HECTD4: variants seen among roughly 807,000 people sequenced by gnomAD.
HECTD4 encodes HECT domain E3 ubiquitin protein ligase 4.
In HECTD4, 114 loss-of-function variants were observed where a neutral mutation model predicts 471.5. The observed-to-expected ratio is 0.24, with a 90% CI of 0.21 to 0.28. The LOEUF (loss-of-function observed/expected upper bound fraction) is 0.28, where lower values mean the gene tolerates loss of function less well. HECTD4 is among the 10% of genes least tolerant of loss of function. HECTD4 has a pLI of 1.00. For synonymous variants in HECTD4, 2,012 were observed against 2,256.0 expected (o/e 0.89, Z 3.07); for missense variants, 3,866 against 5,651.5 (o/e 0.68, Z 10.13).
intron 55 of HECTD4, among the ~76,000 whole-genome samples, chr12:112,195,790 C>G (rs1221814173): frequency 1.3e-5 from 2 of 152,024 alleles, no homozygotes; most frequent in African/African-American, 4.8e-5. Flanking sequence ...ATAAAAATAC[C>G]ATCGTGGGCA....
intron 64 of HECTD4, among the ~76,000 whole-genome samples, chr12:112,177,656 A>G (rs1227928511): frequency 6.6e-6 from 1 of 152,264 alleles, no homozygotes; most frequent in Non-Finnish European, 1.5e-5. Context: ...CTGGGATTAT[A>G]GGCGTGAGCC....
In HECTD4 at chr12:112,185,451, T is replaced by G; in HGVS notation, c.9515A>C (p.Glu3172Ala). The change falls in exon 61 of 76, where the codon GAG (glutamate) becomes GCG (alanine). Residue 3172 changes from glutamate to alanine, a missense_variant. Physicochemically the swap from Glu to Ala is moderately radical, Grantham distance 107 (BLOSUM62 -1). This residue lies in a region of HECTD4 where 364 missense variants were observed against 413.2 expected (regional missense o/e 0.88). Coordinates refer to ENST00000682272, the MANE Select transcript of HECTD4 (RefSeq NM_001388303.1). The stretch of plus-strand genomic sequence containing the variant: ...CTCTGCCAGGAGATGGAAAACAAGC[T>G]CCTTCACGCAGGCTGCCATGTCCGT... The part of the protein sequence containing the change: ...WTTDMAACVK[E>A]LVFHLLAELL... The G allele has an allele frequency of 6.4e-7, 1 of 1,571,808 alleles. No homozygotes were observed. The highest frequency in any genetic ancestry group is 1.4e-5 in the African/African-American group (1 of 73,598).
chr12:112,370,545 G>A (rs2036646371), intron 1 of HECTD4, among the ~76,000 whole-genome samples: 1 of 152,024 alleles, frequency 6.6e-6, no homozygotes, highest in Non-Finnish European at 1.5e-5. Context: ...AAGAAAGCAA[G>A]TTACAGAAAG....
Position 112,269,795 on chromosome 12 carries a change from G to A in HECTD4, c.2230C>T (p.Arg744Ter), listed in dbSNP as rs2034375788. 1.9e-6 allele frequency: 3 copies of A among 1,613,818 alleles called. No individual in the cohort carries two copies. The highest frequency in any genetic ancestry group is 2.5e-6 in the Non-Finnish European group (3 of 1,179,780). Residue 744 changes from arginine to a stop codon, truncating the protein, a stop_gained, in exon 13 of 76, where the codon CGA becomes TGA. Transcript: ENST00000682272. LOFTEE classifies it high-confidence loss of function. ...TGCCAAAGAAGCAATCCCGACCGTC[G>A]AATGATGTCTCGATTCCTTTCAGTT... The part of the protein sequence containing the change: ...PQTERNRDII[R>*]RSGLLLWQLL...
intron 1 of HECTD4, among the ~76,000 whole-genome samples, chr12:112,376,574 T>G (rs912334069): frequency 1.3e-5 from 2 of 152,164 alleles, no homozygotes; most frequent in African/African-American, 4.8e-5. Flanking sequence ...TCACTCATAG[T>G]AAGATCCAAA....
intron 7 of HECTD4, chr12:112,302,190 C>T: frequency 8.0e-7 from 1 of 1,250,118 alleles, no homozygotes; most frequent in African/African-American, 1.5e-5. Context: ...ATGGAATCCA[C>T]ATCGTGTGCA....
chr12:112,265,613 C>T (rs2034251012), intron 15 of HECTD4, among the ~76,000 whole-genome samples: 2 of 152,192 alleles, frequency 1.3e-5, no homozygotes, highest in Admixed American at 6.5e-5. Context: ...GAACCAAGAT[C>T]TCCTAAGTAA....
At chr12:112,357,482 T>C (rs533013471) in intron 1 of HECTD4, among the ~76,000 whole-genome samples, 1 of 152,172 alleles carries the variant, frequency 6.6e-6, no homozygotes, top group East Asian at 1.9e-4. Context: ...TGAGCTGTGA[T>C]GATAAGGAGG....
chr12:112,162,678 C>A lies in HECTD4; in HGVS notation c.13121-155G>T, dbSNP rs1419297277. 2 of 825,726 alleles carry A rather than the reference C, an allele frequency of 2.4e-6. No individual in the cohort carries two copies. The highest frequency in any genetic ancestry group is 2.7e-5 in the East Asian group (1 of 37,280). The allele number at this position is 825,726 out of a possible 1,614,324, so 51.1% of individuals were successfully genotyped here. On this transcript the variant is annotated intron_variant, in intron 75 of 75. Coordinates refer to ENST00000682272, the MANE Select transcript of HECTD4 (RefSeq NM_001388303.1). This position sits in a 1 kb window ranked among gnomAD's most constrained non-coding sequence, Gnocchi z 5.2. ...AGGGGGATGAGGGCCTGGGAACCTG[C>A]GAGATGTTCTTGGAGGGAAAAGGGG...
intron 1 of HECTD4, among the ~76,000 whole-genome samples, chr12:112,343,079 A>C: frequency 6.6e-6 from 1 of 152,216 alleles, no homozygotes; most frequent in African/African-American, 2.4e-5. Flanking sequence ...AATTTCACAA[A>C]AACTCCTAAA....
intron 54 of HECTD4, 54 bp from the exon 55 acceptor site, chr12:112,200,852 TGTGCGTGC>T: frequency 6.5e-7 from 1 of 1,545,964 alleles, no homozygotes; most frequent in Non-Finnish European, 8.8e-7. Context: ...GTTTTCCATG[TGTGCGTGC>T]GTGCGTGTGT....
chr12:112,329,530 G>T (rs952844521), intron 1 of HECTD4, among the ~76,000 whole-genome samples: 6 of 152,018 alleles, frequency 3.9e-5, no homozygotes, highest in African/African-American at 1.4e-4. Flanking sequence ...ACAACATTGG[G>T]TTAATTTCTG....
intron 60 of HECTD4, among the ~76,000 whole-genome samples, chr12:112,186,139 A>AT (rs1566065082): frequency 6.6e-6 from 1 of 151,418 alleles, no homozygotes; most frequent in African/African-American, 2.4e-5. Flanking sequence ...TGCCCAGCTA[A>AT]TTTTTGTATT....
intron 55 of HECTD4, among the ~76,000 whole-genome samples, chr12:112,195,714 C>T (rs2032220873): frequency 6.6e-6 from 1 of 152,116 alleles, no homozygotes; most frequent in South Asian, 2.1e-4. Context: ...TAATAAAAAC[C>T]ACTGACTTGT....
intron 71 of HECTD4, 40 bp downstream of exon 71, chr12:112,167,774 G>T: frequency 6.5e-7 from 1 of 1,548,096 alleles, no homozygotes; most frequent in South Asian, 1.1e-5. Context: ...CGCAGGACAT[G>T]AGCTCGGGGG....
At chr12:112,367,526 A>G (rs1349196282) in intron 1 of HECTD4, among the ~76,000 whole-genome samples, 1 of 151,992 alleles carries the variant, frequency 6.6e-6, no homozygotes, top group African/African-American at 2.4e-5. Context: ...ACTCAACTGA[A>G]AAAATGCTTC....
chr12:112,367,736 G>A lies in HECTD4; in HGVS notation c.177+14216C>T, dbSNP rs567545020. 1.0e-4 allele frequency among the ~76,000 whole-genome samples: 15 copies of A among 143,668 alleles called. No individual in the cohort carries two copies. The South Asian group carries it at 3.1e-3, about 30-fold the overall frequency. 94.3% of individuals were successfully genotyped at this position (143,668 alleles called of 152,430 possible). A position where few individuals can be genotyped will look rare whatever the true frequency, so the allele number is the denominator to read the frequency against. On this transcript the variant is annotated intron_variant, in intron 1 of 75. Transcript: ENST00000682272. ...CTTGGGAGGCTGAGGCAGGAGAATC[G>A]CTTGAACCCGGGAGGCAGAGGTTGC...
rs755972541 is a variant in HECTD4 at position 112,184,994 on chromosome 12, C to T, written c.9972G>A (p.Ser3324=). 60 of 1,611,584 alleles carry T rather than the reference C, an allele frequency of 3.7e-5. No individual in the cohort carries two copies. In the Admixed American group the frequency reaches 9.6e-4, roughly 26 times the overall value. Residue 3324 remains serine, a synonymous_variant, in exon 61 of 76, where the codon TCG becomes TCA. Coordinates refer to ENST00000682272, the MANE Select transcript of HECTD4 (RefSeq NM_001388303.1). This position sits in a 1 kb window ranked among gnomAD's most constrained non-coding sequence, Gnocchi z 9.1. ...TGCGGGAAGACTGGCGCTTGCCCGA[C>T]GAGGAGGCCTTTTCCCGCTTCATCT... The part of the protein sequence containing the change: ...KVKMKREKAS[S]SGKRQSSRTV...
At chr12:112,242,667 T>TG (rs939986006) in intron 32 of HECTD4, among the ~76,000 whole-genome samples, 71 of 150,408 alleles carry the variant, frequency 4.7e-4, no homozygotes, top group African/African-American at 1.6e-3. Context: ...CACAGCACTT[T>TG]GGGGGGGCCG....
Sources: allele counts gnomAD v4.1 joint callset (sites outside exome capture counted in the v4.1 genomes callset), GRCh38; gene constraint gnomAD v4.1.1; regional missense constraint gnomAD v4.1.1; non-coding constraint Gnocchi (gnomAD v3.1); transcripts MANE v1.5; gene names NCBI Gene and HGNC (gene_info 2026-07-23, HGNC 2026-07-21).